Variants in PLCZ1 observed in about 807,000 individuals in gnomAD.
The protein encoded by PLCZ1 is phospholipase C zeta 1, also known as 1-phosphatidylinositol 4,5-bisphosphate phosphodiesterase zeta-1.
Under a neutral mutation model 76.8 loss-of-function variants are expected in PLCZ1, and 64 were observed. That is an observed-to-expected ratio of 0.83 (90% CI 0.68 to 1.03). PLCZ1 has a LOEUF of 1.03. Among genes scored for constraint, PLCZ1 ranks in the 50% least tolerant of loss-of-function variants. The pLI is 0.00. For missense variants in PLCZ1, 751 were observed against 713.7 expected, an observed-to-expected ratio of 1.05 and a Z score of -0.60; for synonymous variants, 248 against 230.8, an observed-to-expected ratio of 1.07 and a Z score of -0.68.
intron 12 of PLCZ1, among the ~76,000 whole-genome samples, chr12:18,692,028 T>A (rs922372308): frequency 6.6e-6 from 1 of 152,118 alleles, no homozygotes; most frequent in Non-Finnish European, 1.5e-5. Context: ...TCCTGTGGTA[T>A]TACGATGGTG....
chr12:18,713,066 C>G (rs1957527714), intron 5 of PLCZ1, 80 bp from the exon 6 acceptor site: 4 of 1,550,066 alleles, frequency 2.6e-6, no homozygotes, highest in Non-Finnish European at 3.5e-6. Flanking sequence ...ATTCCAAAGA[C>G]CATTTGATTT....
chr12:18,655,292 A>G, the PLCZ1 span, among the ~76,000 whole-genome samples: 2 of 152,312 alleles, frequency 1.3e-5, no homozygotes, highest in East Asian at 3.9e-4. Context: ...TCCCAAAGAC[A>G]CAGGAGCCAA....
At chr12:18,731,482 G>A (rs11044272) in intron 3 of PLCZ1, among the ~76,000 whole-genome samples, 35,369 of 148,398 alleles carry the variant, frequency 0.24, 4,427 homozygotes, top group East Asian at 0.31. Context: ...GGGAAATAAC[G>A]TCAAAATGCT....
intron 4 of PLCZ1, among the ~76,000 whole-genome samples, chr12:18,720,235 T>A (rs1958359042): frequency 6.6e-6 from 1 of 152,078 alleles, no homozygotes; most frequent in Non-Finnish European, 1.5e-5. Context: ...ATTGTATGAC[T>A]ATGCCACAAT....
At chr12:18,673,976 A>G in the PLCZ1 span, among the ~76,000 whole-genome samples, 3 of 152,340 alleles carry the variant, frequency 2.0e-5, no homozygotes, top group Admixed American at 2.0e-4. Context: ...CATCACCTTC[A>G]TGTTGCTGTA....
chr12:18,687,926 A>G (rs1440903214), intron 13 of PLCZ1, among the ~76,000 whole-genome samples, 163 bp downstream of exon 13: 1 of 152,096 alleles, frequency 6.6e-6, no homozygotes, highest in African/African-American at 2.4e-5. Context: ...TAATCATTAT[A>G]AAAATGTTTT....
the PLCZ1 span, among the ~76,000 whole-genome samples, chr12:18,658,763 A>G: frequency 6.6e-6 from 1 of 152,140 alleles, no homozygotes. Flanking sequence ...TATTTCACAG[A>G]GAGTAAAAAG....
At chr12:18,695,242 C>T (rs935666258) in intron 11 of PLCZ1, among the ~76,000 whole-genome samples, 163 bp from the exon 12 acceptor site, 1 of 152,094 alleles carries the variant, frequency 6.6e-6, no homozygotes, top group Non-Finnish European at 1.5e-5. Context: ...CTTTCTCCTG[C>T]CATGTCTATA....
chr12:18,698,476 A>C (rs989618693), intron 10 of PLCZ1, among the ~76,000 whole-genome samples: 2 of 152,164 alleles, frequency 1.3e-5, no homozygotes, highest in Non-Finnish European at 2.9e-5. Context: ...ACTAAAGTAT[A>C]CTTCAAAATC....
intron 10 of PLCZ1, 57 bp downstream of exon 10, chr12:18,699,737 C>G (rs1592103806): frequency 6.7e-7 from 1 of 1,487,130 alleles, no homozygotes; most frequent in East Asian, 2.3e-5. Flanking sequence ...TCTTAACACC[C>G]TAGCAGTGAA....
intron 3 of PLCZ1, among the ~76,000 whole-genome samples, chr12:18,724,188 G>A (rs1017593429): frequency 6.6e-6 from 1 of 152,116 alleles, no homozygotes; most frequent in African/African-American, 2.4e-5. Context: ...ATTTCCAATT[G>A]GAAGAGTTAG....
chr12:18,685,768 A>C, intron 13 of PLCZ1: 1 of 375,268 alleles, frequency 2.7e-6, no homozygotes. Flanking sequence ...TCTTCCTCCA[A>C]TCCTACTTCA....
At chr12:18,688,296 T>A in intron 12 of PLCZ1, 78 bp from the exon 13 acceptor site, 1 of 1,463,970 alleles carries the variant, frequency 6.8e-7, no homozygotes, top group South Asian at 1.3e-5. Context: ...TTAAGTTATG[T>A]ATTACAAAAA....
chr12:18,723,933 A>C (rs1294465318), intron 3 of PLCZ1, among the ~76,000 whole-genome samples: 3 of 152,126 alleles, frequency 2.0e-5, no homozygotes, highest in African/African-American at 7.2e-5. Context: ...GACACATTCA[A>C]GATCAATGTA....
chr12:18,679,261 T>C (rs1293599374), downstream of PLCZ1, among the ~76,000 whole-genome samples: 1 of 152,026 alleles, frequency 6.6e-6, no homozygotes, highest in African/African-American at 2.4e-5. Flanking sequence ...ATTTTCATTA[T>C]GATGTATTCA....
chr12:18,717,573 C>A (rs74652366), intron 5 of PLCZ1, among the ~76,000 whole-genome samples: 1,621 of 152,214 alleles, frequency 0.011, 15 homozygotes, highest in Admixed American at 0.019. Context: ...ACTATCTGAT[C>A]TAGCCATTTG....
chr12:18,693,771 A>T, intron 12 of PLCZ1: 1 of 1,515,438 alleles, frequency 6.6e-7, no homozygotes, highest in Non-Finnish European at 9.2e-7. Context: ...ATGGCCACAA[A>T]CCAAATAGAA....
intron 5 of PLCZ1, among the ~76,000 whole-genome samples, chr12:18,718,440 C>T (rs913510352): frequency 6.6e-6 from 1 of 152,110 alleles, no homozygotes; most frequent in African/African-American, 2.4e-5. Flanking sequence ...TTCTCCTCTC[C>T]ATGCTCTACA....
At chr12:18,733,701 A>T (rs1592298531) in intron 3 of PLCZ1, among the ~76,000 whole-genome samples, 1 of 152,150 alleles carries the variant, frequency 6.6e-6, no homozygotes, top group African/African-American at 2.4e-5. Context: ...AGTTTTCCCA[A>T]TGCCATTTAT....
Sources: allele counts gnomAD v4.1 joint callset (sites outside exome capture counted in the v4.1 genomes callset), GRCh38; gene constraint gnomAD v4.1.1; transcripts MANE v1.5; gene names NCBI Gene and HGNC (gene_info 2026-07-23, HGNC 2026-07-21).